Variants in AOX1 observed in about 807,000 individuals in gnomAD.
AOX1 encodes aldehyde oxidase 1.
In AOX1, 153 loss-of-function variants were observed where a neutral mutation model predicts 169.5. The ratio of observed to expected loss-of-function variants is 0.90; its 90% CI spans 0.79 to 1.03. The LOEUF (loss-of-function observed/expected upper bound fraction) is 1.03. Ranked by LOEUF, AOX1 falls within the 50% of genes least tolerant of loss-of-function variation. The pLI is 0.00. For synonymous variants in AOX1, 562 were observed against 581.9 expected (o/e 0.97, Z 0.49); for missense variants, 1,656 against 1,663.9 (o/e 1.00, Z 0.08).
At chr2:200,620,021 G>A (rs373412615) in intron 16 of AOX1, among the ~76,000 whole-genome samples, 1 of 152,064 alleles carries the variant, frequency 6.6e-6, no homozygotes, top group Non-Finnish European at 1.5e-5. Context: ...ACATAATTTT[G>A]TATTGTCAAG....
intron 12 of AOX1, 98 bp from the exon 13 acceptor site, chr2:200,611,280 AACAACC>A (rs1441475956): frequency 1.3e-6 from 1 of 785,084 alleles, no homozygotes; most frequent in South Asian, 1.6e-5. Flanking sequence ...TGTTTCCCTG[AACAACC>A]GGTTTCCTCA....
chr2:200,617,962 G>T (rs2034801014), intron 16 of AOX1, among the ~76,000 whole-genome samples: 1 of 152,160 alleles, frequency 6.6e-6, no homozygotes, highest in Non-Finnish European at 1.5e-5. Context: ...TCGAAGCAGA[G>T]GGGGAAGAGG....
At chr2:200,636,401 T>C (rs981205243) in intron 21 of AOX1, among the ~76,000 whole-genome samples, 1 of 152,076 alleles carries the variant, frequency 6.6e-6, no homozygotes, top group Non-Finnish European at 1.5e-5. Flanking sequence ...AGTGCTGGGA[T>C]TACAGGCATG....
chr2:200,616,356 G>A (rs543729499), intron 16 of AOX1, among the ~76,000 whole-genome samples: 3 of 152,242 alleles, frequency 2.0e-5, no homozygotes, highest in African/African-American at 4.8e-5. Flanking sequence ...ACCTTGTCAC[G>A]TGTTTTCTGC....
At chr2:200,657,186 A>ATTTTTTTT (rs1323706482) in intron 27 of AOX1, among the ~76,000 whole-genome samples, 4 of 65,760 alleles carry the variant, frequency 6.1e-5, no homozygotes, top group African/African-American at 2.6e-4. Context: ...ATATATATAT[A>ATTTTTTTT]TATATTTTTT....
chr2:200,648,359 C>T (rs1477215981), intron 25 of AOX1, among the ~76,000 whole-genome samples: 1 of 152,192 alleles, frequency 6.6e-6, no homozygotes, highest in African/African-American at 2.4e-5. Context: ...TGTTGTCTTT[C>T]TTCTGGGTCT....
At chr2:200,626,857 C>T (rs573727381) in intron 19 of AOX1, among the ~76,000 whole-genome samples, 1 of 152,332 alleles carries the variant, frequency 6.6e-6, no homozygotes, top group African/African-American at 2.4e-5. Flanking sequence ...ATTTTATCTT[C>T]ACCAACCACG....
Position 200,612,801 on chromosome 2 carries a change from A to G in AOX1, c.1448+8A>G, listed in dbSNP as rs753918724. The G allele has an allele frequency of 3.7e-6, 6 of 1,611,892 alleles. No homozygotes were observed. Among genetic ancestry groups the G allele is most frequent in the Non-Finnish European group, 5.1e-6 (6 of 1,178,944 alleles). ...CCAGAAACTCATTGGAAGGTAAGGC[A>G]TTAGAAGTAAGGGCTCCTCTAATAC... On this transcript the variant is annotated splice_region_variant and intron_variant, in intron 14 of 34. Transcript: ENST00000374700.
intron 26 of AOX1, 74 bp from the exon 27 acceptor site, chr2:200,656,768 A>G (rs1178504042): frequency 8.9e-7 from 1 of 1,124,692 alleles, no homozygotes; most frequent in Non-Finnish European, 1.2e-6. Context: ...ATTTCCAAGG[A>G]AAATGTTTTA....
chr2:200,667,699 G>C (rs2035947694), intron 32 of AOX1, among the ~76,000 whole-genome samples: 1 of 152,064 alleles, frequency 6.6e-6, no homozygotes, highest in Non-Finnish European at 1.5e-5. Flanking sequence ...GCCTGTGTGG[G>C]AGGGGTGGGC....
At chr2:200,603,940 T>C in intron 7 of AOX1, 77 bp from the exon 8 acceptor site, 1 of 981,146 alleles carries the variant, frequency 1.0e-6, no homozygotes, top group South Asian at 1.3e-5. Flanking sequence ...ACTGTGTATC[T>C]ATATCTTTTG....
chr2:200,597,337 C>A, intron 3 of AOX1, 60 bp from the exon 4 acceptor site: 1 of 1,237,196 alleles, frequency 8.1e-7, no homozygotes, highest in Non-Finnish European at 1.1e-6. Context: ...GAATGCCTGG[C>A]CCCTTTCCCA....
chr2:200,646,797 A>G (rs1208820516), intron 25 of AOX1, among the ~76,000 whole-genome samples: 1 of 152,130 alleles, frequency 6.6e-6, no homozygotes, highest in Non-Finnish European at 1.5e-5. Context: ...AAGGCCTTTT[A>G]CCATTATATA....
intron 9 of AOX1, 101 bp downstream of exon 9, chr2:200,604,941 G>T (rs1035032380): frequency 3.2e-5 from 35 of 1,095,826 alleles, no homozygotes; most frequent in Non-Finnish European, 4.1e-5. Context: ...GTGTTCTCAG[G>T]AAAAGCAGTC....
chr2:200,641,163 C>G lies in AOX1; in HGVS notation c.2634C>G (p.Ala878=), dbSNP rs768503886. The change falls in exon 24 of 35, where the codon GCC becomes GCG. Residue 878 remains alanine, a synonymous_variant. Coordinates refer to ENST00000374700, the MANE Select transcript of AOX1 (RefSeq NM_001159.4). ...LDMEHYSNAG[A]SLDESLFVIE... ...TGGAGCATTACAGCAATGCAGGCGC[C>G]TCCTTGGATGAATCATTATTCGTAA... The G allele has an allele frequency of 1.2e-6, 2 of 1,612,420 alleles. No homozygotes were observed. Among genetic ancestry groups the G allele is most frequent in the Non-Finnish European group, 1.7e-6 (2 of 1,178,560 alleles).
Position 200,634,889 on chromosome 2 carries a change from T to C in AOX1, c.2320T>C (p.Ser774Pro). The change falls in exon 21 of 35, where the codon TCC (serine) becomes CCC (proline). Residue 774 changes from serine to proline, a missense_variant. Coordinates refer to ENST00000374700, the MANE Select transcript of AOX1 (RefSeq NM_001159.4). ...GGATCAAGAAATGGATGTCTACGTG[T>C]CCACACAGTTTCCCAAATATATACA... ...GEDQEMDVYVSTQFPKYIQDI... is the reference protein window; with the variant it reads ...GEDQEMDVYVPTQFPKYIQDI... The C allele has an allele frequency of 6.2e-7, 1 of 1,614,058 alleles. No homozygotes were observed. Among genetic ancestry groups the C allele is most frequent in the Non-Finnish European group, 8.5e-7 (1 of 1,179,946 alleles).
downstream of AOX1, among the ~76,000 whole-genome samples, chr2:200,676,469 G>A (rs535339297): frequency 4.6e-5 from 7 of 151,818 alleles, no homozygotes; most frequent in African/African-American, 7.3e-5. Context: ...GCCTGGTGGC[G>A]TGTGCCTGTA....
chr2:200,661,511 A>T, intron 29 of AOX1, 68 bp from the exon 30 acceptor site: 1 of 1,235,464 alleles, frequency 8.1e-7, no homozygotes, highest in Admixed American at 1.8e-5. Context: ...GTAAAATTAA[A>T]ATTGAAGTCT....
intron 25 of AOX1, among the ~76,000 whole-genome samples, chr2:200,650,046 T>C (rs1454567414): frequency 6.6e-6 from 1 of 152,176 alleles, no homozygotes; most frequent in East Asian, 1.9e-4. Context: ...CAGGTCCCAA[T>C]TCATCTACCA....
Sources: allele counts gnomAD v4.1 joint callset (sites outside exome capture counted in the v4.1 genomes callset), GRCh38; gene constraint gnomAD v4.1.1; transcripts MANE v1.5; gene names NCBI Gene and HGNC (gene_info 2026-07-23, HGNC 2026-07-21).